Variants in ARHGEF11 observed in about 807,000 individuals in gnomAD.
ARHGEF11 encodes Rho guanine nucleotide exchange factor 11, also known as Rho guanine exchange factor (GEF) 11.
ARHGEF11 carries 55 observed loss-of-function variants against 193.7 expected under a neutral mutation model. The ratio of observed to expected loss-of-function variants is 0.28; its 90% confidence interval spans 0.23 to 0.36. The LOEUF (loss-of-function observed/expected upper bound fraction) is 0.36, where lower values mean the gene tolerates loss of function less well. Ranked by LOEUF, ARHGEF11 falls within the 10% of genes least tolerant of loss-of-function variation. ARHGEF11 has a pLI of 1.00. For missense variants in ARHGEF11, 1,723 were observed against 2,005.6 expected (o/e 0.86, Z 2.69); for synonymous variants, 693 against 768.0 (o/e 0.90, Z 1.62).
At chr1:156,985,183 C>G (rs1269090551) in intron 2 of ARHGEF11, among the ~76,000 whole-genome samples, 1 of 152,096 alleles carries the variant, frequency 6.6e-6, no homozygotes, top group Admixed American at 6.6e-5. Context: ...TAAAACAGAA[C>G]TGGTTTCAAG....
chr1:157,001,829 C>T (rs892411418), intron 1 of ARHGEF11, among the ~76,000 whole-genome samples: 1 of 152,190 alleles, frequency 6.6e-6, no homozygotes, highest in Non-Finnish European at 1.5e-5. Flanking sequence ...GTTAGGAAGA[C>T]AAAAATTATT....
At chr1:156,977,600 G>A (rs1274735603) in intron 6 of ARHGEF11, among the ~76,000 whole-genome samples, 1 of 152,116 alleles carries the variant, frequency 6.6e-6, no homozygotes, top group African/African-American at 2.4e-5. Context: ...TTTTGGTAGA[G>A]ACAGGGTTTT....
At chr1:156,936,495 AAAATATAT>A (rs1344518053) in intron 40 of ARHGEF11, among the ~76,000 whole-genome samples, 39 of 57,102 alleles carry the variant, frequency 6.8e-4, no homozygotes, top group African/African-American at 3.0e-3. Flanking sequence ...AAAAAAAAAA[AAAATATAT>A]ATATATATAT....
chr1:156,950,960 G>A (rs1659002559), intron 22 of ARHGEF11, among the ~76,000 whole-genome samples: 1 of 152,216 alleles, frequency 6.6e-6, no homozygotes, highest in Non-Finnish European at 1.5e-5. Flanking sequence ...GGGGACTCTA[G>A]TTAGAACCTG....
chr1:157,002,242 G>A (rs562906393), intron 1 of ARHGEF11, among the ~76,000 whole-genome samples: 1 of 152,262 alleles, frequency 6.6e-6, no homozygotes, highest in African/African-American at 2.4e-5. Context: ...GAAACTGCTA[G>A]TCCACAAAAC....
chr1:157,025,335 C>T lies in ARHGEF11; in HGVS notation c.32+18964G>A, dbSNP rs115758333. Among the ~76,000 whole-genome samples the T allele has an allele frequency of 4.8e-3, 735 of 152,274 alleles. 8 individuals are homozygous for T. Among genetic ancestry groups the T allele is most frequent in the African/African-American group, 0.017 (707 of 41,528 alleles). The stretch of plus-strand genomic sequence containing the variant: ...TACTACTTGTCTCCATTATCTTCCC[C>T]GATGCATGTCGAAGATAAATAAGCA... On this transcript the variant is annotated intron_variant, in intron 1 of 40. Coordinates refer to ENST00000368194, the MANE Select transcript of ARHGEF11 (RefSeq NM_198236.3).
chr1:156,996,453 G>A (rs1337561545), intron 1 of ARHGEF11, among the ~76,000 whole-genome samples: 1 of 152,032 alleles, frequency 6.6e-6, no homozygotes, highest in Admixed American at 6.6e-5. Context: ...GGAGGACACA[G>A]GGACTCTGGG....
chr1:156,938,188 T>C (rs989760701), intron 38 of ARHGEF11, among the ~76,000 whole-genome samples: 1 of 152,176 alleles, frequency 6.6e-6, no homozygotes, highest in Admixed American at 6.5e-5. Flanking sequence ...CATTTATCCC[T>C]GCCATTCTGA....
intron 1 of ARHGEF11, among the ~76,000 whole-genome samples, chr1:157,010,863 C>T (rs147794575): frequency 1.9e-3 from 296 of 152,124 alleles, no homozygotes; most frequent in African/African-American, 6.5e-3. Flanking sequence ...TAAAATATCA[C>T]GGAAAACAAT....
At chr1:157,006,884 G>C (rs1477103187) in intron 1 of ARHGEF11, among the ~76,000 whole-genome samples, 2 of 152,236 alleles carry the variant, frequency 1.3e-5, no homozygotes, top group African/African-American at 4.8e-5. Flanking sequence ...AGCAGCATGA[G>C]CTCTGTGCCA....
At chr1:157,042,237 G>A (rs1422897720) in intron 1 of ARHGEF11, among the ~76,000 whole-genome samples, 3 of 152,120 alleles carry the variant, frequency 2.0e-5, no homozygotes, top group Non-Finnish European at 4.4e-5. Context: ...TTTAACTATA[G>A]GACTTACAGG....
At chr1:156,958,185 A>G (rs1660244442) in intron 17 of ARHGEF11, among the ~76,000 whole-genome samples, 1 of 152,236 alleles carries the variant, frequency 6.6e-6, no homozygotes, top group Admixed American at 6.5e-5. Context: ...AAGTGTCCCC[A>G]TAAAGTCTGT....
At chr1:157,002,135 A>T (rs913745543) in intron 1 of ARHGEF11, among the ~76,000 whole-genome samples, 1 of 152,208 alleles carries the variant, frequency 6.6e-6, no homozygotes, top group Non-Finnish European at 1.5e-5. Context: ...CTAGACACAT[A>T]TAATGATTCT....
At chr1:156,993,311 C>T (rs1666030568) in intron 1 of ARHGEF11, among the ~76,000 whole-genome samples, 1 of 152,048 alleles carries the variant, frequency 6.6e-6, no homozygotes. Flanking sequence ...CACACACATT[C>T]CAGACATATA....
chr1:157,010,446 G>A (rs1215013732), intron 1 of ARHGEF11, among the ~76,000 whole-genome samples: 2 of 152,140 alleles, frequency 1.3e-5, no homozygotes, highest in African/African-American at 4.8e-5. Context: ...TTAAGAGACA[G>A]GGTCTTGCTC....
chr1:157,021,172 G>A (rs368643444), intron 1 of ARHGEF11, among the ~76,000 whole-genome samples: 1 of 152,230 alleles, frequency 6.6e-6, no homozygotes, highest in Non-Finnish European at 1.5e-5. Context: ...AGTACAGGCT[G>A]AAGAGAAGAA....
Position 156,945,080 on chromosome 1 carries a change from T to C in ARHGEF11, c.2930A>G (p.Gln977Arg). 1 of 1,614,222 alleles carries C rather than the reference T, an allele frequency of 6.2e-7. No homozygotes were observed. The highest frequency in any genetic ancestry group is 8.5e-7 in the Non-Finnish European group (1 of 1,180,034). Residue 977 changes from glutamine (Q) to arginine (R), a missense_variant, in exon 30 of 41, where the codon CAG becomes CGG. Gln to Arg is a conservative substitution (Grantham distance 43). Around this residue, in one of 5 missense-constraint regions of ARHGEF11, gnomAD observed 491 missense variants for 654.5 expected, o/e 0.75. Transcript: ENST00000368194. ...CAGGGCGGTGGCATCCAGGCGTTTC[T>C]GGTAGCCCTCTAAACGGTGGCGGTT... The part of the protein sequence containing the change: ...TENRHRLEGY[Q>R]KRLDATALER...
intron 32 of ARHGEF11, 121 bp from the exon 33 acceptor site, chr1:156,942,901 G>T: frequency 1.3e-6 from 1 of 748,296 alleles, no homozygotes; most frequent in Non-Finnish European, 2.3e-6. Context: ...GGAGAGTGCA[G>T]CACGAGACAG....
At chr1:157,010,624 T>A (rs1305388908) in intron 1 of ARHGEF11, among the ~76,000 whole-genome samples, 1 of 151,942 alleles carries the variant, frequency 6.6e-6, no homozygotes, top group Non-Finnish European at 1.5e-5. Flanking sequence ...CCCAGGCCAG[T>A]CTCAAACTCC....
Sources: gnomAD v4.1 joint callset for allele counts (sites outside exome capture counted in the v4.1 genomes callset) on GRCh38, gnomAD v4.1.1 for gene constraint, gnomAD v4.1.1 regional missense constraint, MANE v1.5 for transcripts, NCBI Gene and HGNC (gene_info 2026-07-23, HGNC 2026-07-21) for gene names.